ITGB5: variants seen among roughly 807,000 people sequenced by gnomAD.
ITGB5 encodes integrin subunit beta 5.
ITGB5 carries 38 observed loss-of-function variants against 84.8 expected under a neutral mutation model. The observed-to-expected ratio is 0.45, with a 90% CI of 0.35 to 0.59. The LOEUF (loss-of-function observed/expected upper bound fraction) is 0.59, where lower values mean the gene tolerates loss of function less well. ITGB5 is among the 20% of genes least tolerant of loss of function. The probability of loss-of-function intolerance (pLI) is 0.01; values close to 1 mark genes in which losing one functional copy is unlikely to be tolerated. For missense variants in ITGB5, 905 were observed against 1,034.5 expected (o/e 0.87, Z 1.72); for synonymous variants, 393 against 414.4 (o/e 0.95, Z 0.63).
chr3:124,868,313 A>G (rs1230610142), intron 2 of ITGB5, among the ~76,000 whole-genome samples: 1 of 152,156 alleles, frequency 6.6e-6, no homozygotes, highest in Non-Finnish European at 1.5e-5. Context: ...CAGGCGGCCA[A>G]GGCTGTCTAG....
intron 2 of ITGB5, among the ~76,000 whole-genome samples, chr3:124,872,576 T>G (rs964497512): frequency 1.3e-5 from 2 of 152,200 alleles, no homozygotes; most frequent in African/African-American, 4.8e-5. Flanking sequence ...GACCACGCAC[T>G]GCATTGCAGA....
At chr3:124,896,934 A>G (rs1015113886) in intron 1 of ITGB5, among the ~76,000 whole-genome samples, 1 of 151,272 alleles carries the variant, frequency 6.6e-6, no homozygotes, top group Non-Finnish European at 1.5e-5. Context: ...AAAAAAATTT[A>G]AAAAGAAAAA....
At chr3:124,808,870 A>G in intron 9 of ITGB5, 152 bp downstream of exon 9, 2 of 800,698 alleles carry the variant, frequency 2.5e-6, no homozygotes, top group South Asian at 4.2e-5. Context: ...CACATCATGC[A>G]AAACAGGCTT....
intron 1 of ITGB5, among the ~76,000 whole-genome samples, chr3:124,883,123 C>T (rs1934653868): frequency 6.6e-6 from 1 of 152,202 alleles, no homozygotes; most frequent in Non-Finnish European, 1.5e-5. Context: ...CCCAGCTGCA[C>T]ACTGCCATGT....
At chr3:124,770,742 G>A (rs1199870785) in intron 11 of ITGB5, among the ~76,000 whole-genome samples, 4 of 151,938 alleles carry the variant, frequency 2.6e-5, no homozygotes, top group African/African-American at 9.7e-5. Flanking sequence ...CACTCTCCTG[G>A]GACTGACTTT....
At chr3:124,767,075 C>G (rs892140490) in intron 12 of ITGB5, among the ~76,000 whole-genome samples, 1 of 152,210 alleles carries the variant, frequency 6.6e-6, no homozygotes, top group African/African-American at 2.4e-5. Context: ...ACCTACATTC[C>G]AAGGCTTCCC....
At chr3:124,778,708 C>T (rs1344894429) in intron 10 of ITGB5, among the ~76,000 whole-genome samples, 1 of 152,126 alleles carries the variant, frequency 6.6e-6, no homozygotes, top group Non-Finnish European at 1.5e-5. Flanking sequence ...TTTGAGCATT[C>T]TTCAGATTAA....
At chr3:124,833,117 A>T (rs1423307305) in intron 5 of ITGB5, 1 of 152,214 alleles carries the variant, frequency 6.6e-6, no homozygotes. Context: ...TTCTGTGGCT[A>T]AACTTAATGA....
chr3:124,875,133 A>G lies in ITGB5; in HGVS notation c.71-1602T>C, dbSNP rs145761154. On this transcript the variant is annotated intron_variant, in intron 1 of 14. Coordinates refer to ENST00000296181, the MANE Select transcript of ITGB5 (RefSeq NM_002213.5). Reference sequence around the variant, plus strand: ...TGATAAGTGGTTAACATCCAAATACATAAAGAATTCAAACAACTCAATATT... The same window carrying G: ...TGATAAGTGGTTAACATCCAAATACGTAAAGAATTCAAACAACTCAATATT... 4.1e-3 allele frequency among the ~76,000 whole-genome samples: 631 copies of G among 152,312 alleles called. 2 individuals carry two copies. The highest frequency in any genetic ancestry group is 7.2e-3 in the Non-Finnish European group (492 of 68,012).
chr3:124,868,392 T>C lies in ITGB5; in HGVS notation c.156+5054A>G, dbSNP rs181235437. Among the ~76,000 whole-genome samples, 368 of 151,520 alleles carry C rather than the reference T, an allele frequency of 2.4e-3. 3 individuals are homozygous for C. The highest frequency in any genetic ancestry group is 2.3e-3 in the South Asian group (11 of 4,806). ...ACAGGCCAAGACAGGCAGTGACCCA[T>C]ACATCCTGGTCTCAGAGTAGGGGAG... On this transcript the variant is annotated intron_variant, in intron 2 of 14. Transcript: ENST00000296181.
At chr3:124,890,666 G>T (rs949983958), upstream of ITGB5, among the ~76,000 whole-genome samples, 1 of 152,096 alleles carries the variant, frequency 6.6e-6, no homozygotes, top group African/African-American at 2.4e-5. Context: ...GGAAAGTTCT[G>T]CGATCAAACC....
intron 10 of ITGB5, among the ~76,000 whole-genome samples, chr3:124,781,724 T>G (rs1420413108): frequency 6.6e-6 from 1 of 152,208 alleles, no homozygotes; most frequent in Non-Finnish European, 1.5e-5. Context: ...AAGGGCTGTT[T>G]CTTTCACAAA....
intron 10 of ITGB5, among the ~76,000 whole-genome samples, chr3:124,780,388 C>T (rs1021789228): frequency 6.6e-6 from 1 of 152,202 alleles, no homozygotes; most frequent in African/African-American, 2.4e-5. Context: ...CATCCTCACC[C>T]AGCTCAGTGT....
chr3:124,848,219 C>T, intron 4 of ITGB5, 90 bp downstream of exon 4: 1 of 1,485,836 alleles, frequency 6.7e-7, no homozygotes, highest in Non-Finnish European at 9.2e-7. Context: ...CCTAACCATG[C>T]CTTCCTTAAT....
intron 4 of ITGB5, 139 bp from the exon 5 acceptor site, chr3:124,841,690 C>A (rs1177420024): frequency 6.9e-6 from 5 of 728,738 alleles, no homozygotes; most frequent in Non-Finnish European, 1.1e-5. Context: ...AGGACAGGCA[C>A]AGCAGAGAGA....
At chr3:124,864,096 CTTTTTTTTTTT>C (rs558311822) in intron 2 of ITGB5, among the ~76,000 whole-genome samples, 876 of 45,454 alleles carry the variant, frequency 0.019, 21 homozygotes, top group African/African-American at 0.056. Context: ...ACCTATATTT[CTTTTTTTTTTT>C]TTTTTTTTTT....
In ITGB5 at chr3:124,848,370, C is replaced by T; in HGVS notation, c.550G>A (p.Asp184Asn). 1 of 1,614,122 alleles carries T rather than the reference C, an allele frequency of 6.2e-7. No homozygotes were observed. Among genetic ancestry groups the T allele is most frequent in the Non-Finnish European group, 8.5e-7 (1 of 1,180,026 alleles). ...TAGGAGAAAGGAGAGATGTCCTTATCAACAAAAGACCCAAATCCCAACCGG... is the reference window on the plus strand; with the variant it reads ...TAGGAGAAAGGAGAGATGTCCTTATTAACAAAAGACCCAAATCCCAACCGG... The part of the protein sequence containing the change: ...NFRLGFGSFV[D>N]KDISPFSYTA... Residue 184 changes from aspartate to asparagine, a missense_variant, in exon 4 of 15, where the codon GAT becomes AAT. Physicochemically the swap from Asp to Asn is conservative, Grantham distance 23 (BLOSUM62 1). Transcript: ENST00000296181.
intron 10 of ITGB5, among the ~76,000 whole-genome samples, chr3:124,784,566 G>A (rs1477883600): frequency 6.6e-6 from 1 of 152,254 alleles, no homozygotes; most frequent in Non-Finnish European, 1.5e-5. Context: ...GATTAAGGCA[G>A]TGGAGGGAAG....
intron 8 of ITGB5, among the ~76,000 whole-genome samples, chr3:124,809,933 A>G (rs2064471670): frequency 6.6e-6 from 1 of 152,210 alleles, no homozygotes; most frequent in East Asian, 1.9e-4. Flanking sequence ...GTGCAATCCT[A>G]TAGAAAGCCA....
Sources: allele counts gnomAD v4.1 joint callset (sites outside exome capture counted in the v4.1 genomes callset), GRCh38; gene constraint gnomAD v4.1.1; transcripts MANE v1.5; gene names NCBI Gene and HGNC (gene_info 2026-07-23, HGNC 2026-07-21).